Variants in RAG1 observed in about 807,000 individuals in gnomAD.
RAG1 encodes recombination activating 1.
RAG1 carries 35 observed loss-of-function variants against 62.7 expected under a neutral mutation model. That is an observed-to-expected ratio of 0.56 (90% CI 0.43 to 0.74). The LOEUF (loss-of-function observed/expected upper bound fraction) is 0.74, where lower values mean the gene tolerates loss of function less well. RAG1 is among the 30% of genes least tolerant of loss of function. The pLI, the probability that RAG1 is intolerant of heterozygous loss-of-function variation, is 0.00. For missense variants in RAG1, 1,169 were observed against 1,278.6 expected (o/e 0.91, Z 1.31); for synonymous variants, 461 against 470.3 (o/e 0.98, Z 0.26).
chr11:36,557,317 G>C (rs557189564), intron 3 of RAG1, among the ~76,000 whole-genome samples: 1 of 93,618 alleles, frequency 1.1e-5, no homozygotes, highest in Non-Finnish European at 2.0e-5. Flanking sequence ...CTCGTGGTGC[G>C]CCGTTTCTTA....
intron 1 of RAG1, among the ~76,000 whole-genome samples, chr11:36,515,874 T>G (rs916037119): frequency 1.3e-5 from 2 of 152,146 alleles, no homozygotes; most frequent in African/African-American, 4.8e-5. Context: ...AGACAACGAG[T>G]TTTCCTTGGT....
intron 3 of RAG1, among the ~76,000 whole-genome samples, chr11:36,561,022 T>A (rs1850576987): frequency 6.6e-6 from 1 of 152,230 alleles, no homozygotes; most frequent in Non-Finnish European, 1.5e-5. Context: ...GTTGACAACA[T>A]CTTCCATGTA....
In RAG1 at chr11:36,575,125, C is replaced by T. The variant is rs183806098; in HGVS notation, c.1821C>T (p.Asp607=). The change falls in exon 2 of 2, where the codon GAC becomes GAT. Residue 607 remains aspartate, a synonymous_variant. Coordinates refer to ENST00000299440, the MANE Select transcript of RAG1 (RefSeq NM_000448.3). This position sits in a 1 kb window ranked among gnomAD's most constrained non-coding sequence, Gnocchi z 4.1. The part of the protein sequence containing the change: ...VVKESCDGMG[D]VSEKHGSGPV... The stretch of plus-strand genomic sequence containing the variant: ...AGGAGTCTTGTGATGGAATGGGAGA[C>T]GTGAGTGAGAAGCATGGGAGTGGGC... 147 of 1,614,090 alleles carry T rather than the reference C, an allele frequency of 9.1e-5. No homozygotes were observed. Among genetic ancestry groups the T allele is most frequent in the Middle Eastern group, 1.6e-4 (1 of 6,062 alleles).
intron 2 of RAG1, among the ~76,000 whole-genome samples, chr11:36,524,984 T>C (rs1266352373): frequency 6.6e-6 from 1 of 152,142 alleles, no homozygotes; most frequent in Non-Finnish European, 1.5e-5. Context: ...GAGACTTAGG[T>C]CAAGTCTTTT....
intron 1 of RAG1, among the ~76,000 whole-genome samples, chr11:36,511,464 C>T (rs371022151): frequency 3.2e-4 from 48 of 152,160 alleles, no homozygotes; most frequent in East Asian, 2.3e-3. Flanking sequence ...AAGGAACAAA[C>T]GAACAAACAA....
Position 36,575,659 on chromosome 11 carries a change from A to G in RAG1, c.2355A>G (p.Lys785=). ...ATCGGGTGAAAGGGGTCTCAGCTAA[A>G]CCTTTCATTGAGACAGTCCCTTCCA... is the stretch of plus-strand genomic sequence containing the variant. ...LRDRVKGVSA[K]PFIETVPSID... The change falls in exon 2 of 2, where the codon AAA becomes AAG. Residue 785 remains lysine, a synonymous_variant. Coordinates refer to ENST00000299440, the MANE Select transcript of RAG1 (RefSeq NM_000448.3). This position sits in a 1 kb window ranked among gnomAD's most constrained non-coding sequence, Gnocchi z 4.1. 1 of 1,614,152 alleles carries G rather than the reference A, an allele frequency of 6.2e-7. No individual in the cohort carries two copies. The highest frequency in any genetic ancestry group is 1.7e-5 in the Admixed American group (1 of 60,022).
chr11:36,538,772 C>T (rs1860370357), downstream of RAG1, among the ~76,000 whole-genome samples: 1 of 152,096 alleles, frequency 6.6e-6, no homozygotes, highest in African/African-American at 2.4e-5. Flanking sequence ...GTGACAGCTT[C>T]TTATCTGAGG....
At chr11:36,545,907 G>T (rs1455186242) in intron 3 of RAG1, among the ~76,000 whole-genome samples, 2 of 152,190 alleles carry the variant, frequency 1.3e-5, no homozygotes, top group Admixed American at 1.3e-4. Flanking sequence ...AGTTTTGAAT[G>T]AGTTTCTTAA....
chr11:36,535,338 G>A (rs1860311212), intron 2 of RAG1, among the ~76,000 whole-genome samples: 2 of 152,092 alleles, frequency 1.3e-5, no homozygotes, highest in African/African-American at 2.4e-5. Flanking sequence ...TCTATTTCAA[G>A]TTCAACAATT....
chr11:36,518,389 A>G (rs987928895), intron 1 of RAG1, among the ~76,000 whole-genome samples: 1 of 152,200 alleles, frequency 6.6e-6, no homozygotes, highest in Non-Finnish European at 1.5e-5. Context: ...TGATATTTCT[A>G]GTTCTAGATC....
chr11:36,521,124 A>G (rs557855782), intron 2 of RAG1, among the ~76,000 whole-genome samples: 1 of 151,850 alleles, frequency 6.6e-6, no homozygotes, highest in East Asian at 1.9e-4. Context: ...CATGCCTGGC[A>G]AATTTTGCAT....
Position 36,575,182 on chromosome 11 carries a change from A to G in RAG1, c.1878A>G (p.Ser626=). 6.2e-7 allele frequency: 1 copy of G among 1,614,224 alleles called. No homozygotes were observed. Among genetic ancestry groups the G allele is most frequent in the Non-Finnish European group, 8.5e-7 (1 of 1,180,036 alleles). The change falls in exon 2 of 2, where the codon TCA becomes TCG. Residue 626 remains serine, a synonymous_variant. Transcript: ENST00000299440. The surrounding 1 kb of genome is among the most constrained non-coding windows in gnomAD (Gnocchi z 4.1). ...PVVPEKAVRF[S]FTIMKITIAH... is the part of the protein sequence containing the mutation. ...TTCCAGAAAAGGCAGTCCGTTTTTC[A>G]TTCACAATCATGAAAATTACTATTG...
At chr11:36,569,197 TC>T (rs1850702416) in intron 1 of RAG1, among the ~76,000 whole-genome samples, 4 of 152,170 alleles carry the variant, frequency 2.6e-5, no homozygotes. Flanking sequence ...AAACTACTGT[TC>T]CTGCACTGTC....
intron 2 of RAG1, among the ~76,000 whole-genome samples, chr11:36,535,703 C>T (rs905783102): frequency 6.6e-6 from 1 of 151,982 alleles, no homozygotes; most frequent in Non-Finnish European, 1.5e-5. Context: ...CAAGATAGAG[C>T]CACTGTACTC....
At position 36,574,971 on chromosome 11, in the gene RAG1, T is replaced by C. The variant is rs764059099; in HGVS notation, c.1667T>C (p.Ile556Thr). The C allele has an allele frequency of 4.3e-6, 7 of 1,614,034 alleles. No individual in the cohort carries two copies. The African/African-American group carries it at 5.3e-5, about 12-fold the overall frequency. The part of the protein sequence containing the change: ...SSVDDYPVDT[I>T]AKRFRYDSAL... ...GTGGATGATTACCCAGTGGACACCA[T>C]TGCAAAGAGGTTCCGCTATGATTCA... is the stretch of plus-strand genomic sequence containing the variant. The change falls in exon 2 of 2, where the codon ATT becomes ACT. Residue 556 changes from isoleucine (I) to threonine (T), a missense_variant. Physicochemically the swap from Ile to Thr is moderately conservative, Grantham distance 89. Coordinates refer to ENST00000299440, the MANE Select transcript of RAG1 (RefSeq NM_000448.3).
intron 2 of RAG1, among the ~76,000 whole-genome samples, chr11:36,534,822 T>C (rs571456461): frequency 3.3e-5 from 5 of 152,370 alleles, no homozygotes; most frequent in African/African-American, 1.2e-4. Flanking sequence ...TTCATTTATA[T>C]TTTAAAAACT....
intron 3 of RAG1, among the ~76,000 whole-genome samples, chr11:36,561,356 A>G (rs375594330): frequency 3.3e-5 from 5 of 152,178 alleles, no homozygotes; most frequent in Admixed American, 1.3e-4. Flanking sequence ...AGGTCTTTGG[A>G]TGACCTACTC....
rs568867325 is a variant in RAG1, at chr11:36,574,298, C to G, written c.994C>G (p.Arg332Gly). The change falls in exon 2 of 2, where the codon CGA (arginine) becomes GGA (glycine). Residue 332 changes from arginine to glycine, a missense_variant. Arg to Gly is a moderately radical substitution (Grantham distance 125). This residue lies in a region of RAG1 where 800 missense variants were observed against 943.3 expected (regional missense o/e 0.85). Coordinates refer to ENST00000299440, the MANE Select transcript of RAG1 (RefSeq NM_000448.3). ...KVMGSYCPSC[R>G]YPCFPTDLES... is the part of the protein sequence containing the mutation. Reference sequence around the variant, plus strand: ...CATGGGCAGCTATTGTCCCTCTTGCCGATATCCATGCTTCCCTACTGACCT... The same window carrying G: ...CATGGGCAGCTATTGTCCCTCTTGCGGATATCCATGCTTCCCTACTGACCT... 9.9e-6 allele frequency: 16 copies of G among 1,614,200 alleles called. No homozygotes were observed. In the East Asian group the frequency reaches 2.9e-4, roughly 29 times the overall value.
intron 1 of RAG1, among the ~76,000 whole-genome samples, chr11:36,517,260 A>G (rs1263369792): frequency 2.6e-5 from 4 of 152,214 alleles, no homozygotes; most frequent in Non-Finnish European, 4.4e-5. Flanking sequence ...ATAATTGCAT[A>G]TTTTCATCGC....
Sources: gnomAD v4.1 joint callset for allele counts (sites outside exome capture counted in the v4.1 genomes callset) on GRCh38, gnomAD v4.1.1 for gene constraint, gnomAD v4.1.1 regional missense constraint, Gnocchi (gnomAD v3.1) non-coding constraint, MANE v1.5 for transcripts, NCBI Gene and HGNC (gene_info 2026-07-23, HGNC 2026-07-21) for gene names.